SCRIB: variants seen among roughly 807,000 people sequenced by gnomAD.
SCRIB encodes the protein protein scribble homolog.
SCRIB carries 72 observed loss-of-function variants against 170.0 expected under a neutral mutation model. The ratio of observed to expected loss-of-function variants is 0.42; its 90% CI spans 0.35 to 0.52. The LOEUF is 0.52. SCRIB is among the 20% of genes least tolerant of loss of function. The pLI is 0.02. For missense variants in SCRIB, 2,475 were observed against 2,338.5 expected, an observed-to-expected ratio of 1.06 and a Z score of -1.20; for synonymous variants, 1,298 against 1,044.3, an observed-to-expected ratio of 1.24 and a Z score of -4.68.
In SCRIB at chr8:143,791,701, C is replaced by A. The variant is rs781923036; in HGVS notation, c.4735G>T (p.Ala1579Ser). The A allele has an allele frequency of 1.2e-6, 2 of 1,604,550 alleles. No homozygotes were observed. The highest frequency in any genetic ancestry group is 1.7e-5 in the Admixed American group (1 of 59,772). Reference sequence around the variant, plus strand: ...TAGACAGGTCTGGAAGAAGGCAGGGCCGCAAAGGCCCTGTAGTCAAACTTC... The same window carrying A: ...TAGACAGGTCTGGAAGAAGGCAGGGACGCAAAGGCCCTGTAGTCAAACTTC... ...GKKFDYRAFAALPSSRPVYDI... is the reference protein window; with the variant it reads ...GKKFDYRAFASLPSSRPVYDI... The change falls in exon 35 of 37, where the codon GCC becomes TCC. Residue 1579 changes from alanine (A) to serine (S), a missense_variant. By Grantham distance (99) the Ala-to-Ser change is moderately conservative. Transcript: ENST00000356994.
chr8:143,792,871 G>C lies in SCRIB; in HGVS notation c.4018-4C>G, dbSNP rs376176980. ...CTGCAGGCCCAGGCGTGGGGGGCTGGGGGGAGCGGACCTTGAGGTTTGGCT... is the reference window on the plus strand; with the variant it reads ...CTGCAGGCCCAGGCGTGGGGGGCTGCGGGGAGCGGACCTTGAGGTTTGGCT... On this transcript the variant is annotated splice_region_variant and splice_polypyrimidine_tract_variant and intron_variant, in intron 29 of 36. Transcript: ENST00000356994. 4.6e-6 allele frequency: 7 copies of C among 1,512,798 alleles called. No homozygotes were observed. The highest frequency in any genetic ancestry group is 2.3e-5 in the East Asian group (1 of 43,476). 93.7% of individuals were successfully genotyped at this position (1,512,798 alleles called of 1,614,324 possible).
At chr8:143,793,126 G>C in intron 28 of SCRIB, 43 bp from the exon 29 acceptor site, 5 of 1,182,468 alleles carry the variant, frequency 4.2e-6, no homozygotes, top group Non-Finnish European at 4.6e-6. Context: ...GGCAGCTGTC[G>C]GGGCTGCAGC....
chr8:143,808,113 G>T (rs1815514242), intron 15 of SCRIB, among the ~76,000 whole-genome samples: 1 of 152,220 alleles, frequency 6.6e-6, no homozygotes, highest in Admixed American at 6.5e-5. Flanking sequence ...CAACACAAGA[G>T]AGGATCCCAG....
chr8:143,793,722 AG>A, intron 28 of SCRIB, 177 bp downstream of exon 28: 1 of 585,976 alleles, frequency 1.7e-6, no homozygotes, highest in Non-Finnish European at 3.0e-6. Flanking sequence ...TGGCCAGGAA[AG>A]CGTCCCTGGC....
At position 143,813,535 on chromosome 8, in the gene SCRIB, G is replaced by A. The variant is rs753860905; in HGVS notation, c.447-9C>T. 2.5e-6 allele frequency: 4 copies of A among 1,613,146 alleles called. No individual in the cohort carries two copies. The highest frequency in any genetic ancestry group is 1.1e-5 in the South Asian group (1 of 91,092). On this transcript the variant is annotated splice_polypyrimidine_tract_variant and intron_variant, in intron 4 of 36. Coordinates refer to ENST00000356994, the MANE Select transcript of SCRIB (RefSeq NM_182706.5). ...TCACCAGGTTGGCGAGGCTGAAAGA[G>A]AGACCAGGCGCTGGGGCAAGAGGAA...
At chr8:143,814,860 G>A (rs956818226) in intron 1 of SCRIB, 8 of 277,374 alleles carry the variant, frequency 2.9e-5, no homozygotes, top group East Asian at 1.4e-4. Context: ...AGGAGAGGAG[G>A]TCTGGACCCA....
At position 143,795,525 on chromosome 8, in the gene SCRIB, G is replaced by A. The variant is rs1187011877; in HGVS notation, c.3609C>T (p.Ser1203=). 4 of 1,610,920 alleles carry A rather than the reference G, an allele frequency of 2.5e-6. No individual in the cohort carries two copies. The highest frequency in any genetic ancestry group is 2.2e-5 in the East Asian group (1 of 44,818). The change falls in exon 25 of 37, where the codon TCC becomes TCT. Residue 1203 remains serine, a synonymous_variant. Transcript: ENST00000356994. The part of the protein sequence containing the change: ...EASTDAALEV[S]PGVIANPFAA... ...CAAAGGGGTTGGCAATGACACCTGG[G>A]GACACCTGAGAAGAGGGGTGTGGGC...
chr8:143,808,629 C>T lies in SCRIB; in HGVS notation c.2095G>A (p.Val699Ile). 6.6e-7 allele frequency: 1 copy of T among 1,512,126 alleles called. No individual in the cohort carries two copies. The highest frequency in any genetic ancestry group is 8.8e-7 in the Non-Finnish European group (1 of 1,131,210). 93.7% of individuals were successfully genotyped at this position (1,512,126 alleles called of 1,614,324 possible). A position where few individuals can be genotyped will look rare whatever the true frequency, so the allele number is the denominator to read the frequency against. The change falls in exon 15 of 37, where the codon GTT becomes ATT. Residue 699 changes from valine to isoleucine, a missense_variant. This residue lies in a region of SCRIB where 1,966 missense variants were observed against 1,742.9 expected (regional missense o/e 1.13). Coordinates refer to ENST00000356994, the MANE Select transcript of SCRIB (RefSeq NM_182706.5). ...TEEEDKEGAV[V>I]SAPSVKGVSF... ...CCAACCTTGACAGAGGGCGCAGAAA[C>T]CACGGCCCCCTCCTTGTCCTCCTCC...
chr8:143,807,578 C>T lies in SCRIB; in HGVS notation c.2152G>A (p.Glu718Lys), dbSNP rs1424850563. The T allele has an allele frequency of 6.2e-7, 1 of 1,613,870 alleles. No individual in the cohort carries two copies. The highest frequency in any genetic ancestry group is 1.3e-5 in the African/African-American group (1 of 74,892). The change falls in exon 16 of 37, where the codon GAG becomes AAG. Residue 718 changes from glutamate to lysine, a missense_variant. By Grantham distance (56) the Glu-to-Lys change is moderately conservative. Transcript: ENST00000356994. The part of the protein sequence containing the change: ...SFDQANNLLI[E>K]PARIEEEELT... The stretch of plus-strand genomic sequence containing the variant: ...TCTTCCTCCTCAATGCGAGCAGGCT[C>T]TATCAGCAGGTTATTGGCCTGGTCA...
At chr8:143,800,842 C>T (rs181095050) in intron 24 of SCRIB, among the ~76,000 whole-genome samples, 19 of 152,374 alleles carry the variant, frequency 1.2e-4, no homozygotes, top group Admixed American at 2.0e-4. Context: ...TGCCGCTACT[C>T]CAGCCTGGGC....
chr8:143,794,020 G>A (rs1023727634), intron 27 of SCRIB, 58 bp from the exon 28 acceptor site: 2 of 1,542,846 alleles, frequency 1.3e-6, no homozygotes. Context: ...CCCCGACCAG[G>A]AGGGACTGGG....
chr8:143,793,847 C>T, intron 28 of SCRIB, 53 bp downstream of exon 28: 2 of 1,576,392 alleles, frequency 1.3e-6, no homozygotes, highest in Non-Finnish European at 8.7e-7. Context: ...CAGCGGCCAT[C>T]TGCCCTGCCC....
chr8:143,813,470 G>C lies in SCRIB; in HGVS notation c.503C>G (p.Ala168Gly), dbSNP rs758204395. ...LRENLLKSLP[A>G]SLSFLVKLEQ... is the part of the protein sequence containing the mutation. The stretch of plus-strand genomic sequence containing the variant: ...TTAGGAGAATGCCTGTCACACTCAC[G>C]CTGGCAGGGACTTGAGCAGGTTCTC... Residue 168 changes from alanine to glycine, a missense_variant and splice_region_variant, in exon 5 of 37, where the codon GCG becomes GGG. Coordinates refer to ENST00000356994, the MANE Select transcript of SCRIB (RefSeq NM_182706.5). 1 of 1,613,088 alleles carries C rather than the reference G, an allele frequency of 6.2e-7. No homozygotes were observed.
chr8:143,811,356 AGAG>A lies in SCRIB; in HGVS notation c.907-14_907-12del, dbSNP rs759215876. The A allele has an allele frequency of 1.1e-5, 18 of 1,607,816 alleles. No individual in the cohort carries two copies. Among genetic ancestry groups the A allele is most frequent in the East Asian group, 4.5e-5 (2 of 44,724 alleles). The stretch of plus-strand genomic sequence containing the variant: ...GGAGCGGGGCAGGGCCTGGCCAAGA[AGAG>A]GAGGTCAGAGGACGCTAGGGGCTTG... On this transcript the variant is annotated splice_polypyrimidine_tract_variant and intron_variant, in intron 9 of 36. Coordinates refer to ENST00000356994, the MANE Select transcript of SCRIB (RefSeq NM_182706.5).
chr8:143,805,005 C>G lies in SCRIB; in HGVS notation c.2680G>C (p.Val894Leu), dbSNP rs781909065. The change falls in exon 20 of 37, where the codon GTC (valine) becomes CTC (leucine). Residue 894 changes from valine (V) to leucine (L), a missense_variant. Physicochemically the swap from Val to Leu is conservative, Grantham distance 32 (BLOSUM62 1). Transcript: ENST00000356994. Reference sequence around the variant, plus strand: ...GCACCGCCCTCGGCAATGCGGGAGACGAAGATGCCCTGCAGGGGAGGGTGG... The same window carrying G: ...GCACCGCCCTCGGCAATGCGGGAGAGGAAGATGCCCTGCAGGGGAGGGTGG... ...PYRAGDAGIFVSRIAEGGAAH... is the reference protein window; with the variant it reads ...PYRAGDAGIFLSRIAEGGAAH... 3 of 1,586,666 alleles carry G rather than the reference C, an allele frequency of 1.9e-6. No homozygotes were observed.
intron 9 of SCRIB, among the ~76,000 whole-genome samples, chr8:143,811,844 C>G (rs958766961): frequency 1.9e-4 from 29 of 152,138 alleles, no homozygotes; most frequent in African/African-American, 7.0e-4. Context: ...GTTTCCCAGC[C>G]TGGGGATGGG....
intron 21 of SCRIB, 76 bp downstream of exon 21, chr8:143,804,492 A>G: frequency 4.2e-6 from 6 of 1,420,484 alleles, no homozygotes; most frequent in South Asian, 1.4e-5. Context: ...GCAAGGCCAT[A>G]AGAGAGCAGG....
At position 143,792,597 on chromosome 8, in the gene SCRIB, C is replaced by G. The variant is rs782460865; in HGVS notation, c.4216G>C (p.Glu1406Gln). ...GCTTCGGCCCCAGCCTCTGCCGCCTCCCGCAGCATCTGCGCTCTCTTCTGC... is the reference window on the plus strand; with the variant it reads ...GCTTCGGCCCCAGCCTCTGCCGCCTGCCGCAGCATCTGCGCTCTCTTCTGC... ...LQQKRAQMLREAAEAGAEARL... is the reference protein window; with the variant it reads ...LQQKRAQMLRQAAEAGAEARL... The change falls in exon 31 of 37, where the codon GAG becomes CAG. Residue 1406 changes from glutamate to glutamine, a missense_variant. Physicochemically the swap from Glu to Gln is conservative, Grantham distance 29. Coordinates refer to ENST00000356994, the MANE Select transcript of SCRIB (RefSeq NM_182706.5). 1.9e-6 allele frequency: 3 copies of G among 1,590,128 alleles called. No individual in the cohort carries two copies. The African/African-American group carries it at 4.0e-5, about 21-fold the overall frequency.
At chr8:143,812,736 CCA>C in intron 8 of SCRIB, 79 bp downstream of exon 8, 1 of 1,509,936 alleles carries the variant, frequency 6.6e-7, no homozygotes, top group Non-Finnish European at 9.0e-7. Flanking sequence ...GTGTTCCACA[CCA>C]CACACAGCCC....
Sources: gnomAD v4.1 joint callset for allele counts (sites outside exome capture counted in the v4.1 genomes callset) on GRCh38, gnomAD v4.1.1 for gene constraint, gnomAD v4.1.1 regional missense constraint, MANE v1.5 for transcripts, NCBI Gene and HGNC (gene_info 2026-07-23, HGNC 2026-07-21) for gene names.